ITPRID2: variants seen among roughly 807,000 people sequenced by gnomAD.
ITPRID2 encodes ITPR interacting domain containing 2, also known as protein ITPRID2.
In ITPRID2, 60 loss-of-function variants were observed where a neutral mutation model predicts 124.3. The ratio of observed to expected loss-of-function variants is 0.48; its 90% confidence interval spans 0.39 to 0.60. ITPRID2 has a LOEUF of 0.60. Among genes scored for constraint, ITPRID2 ranks in the 20% least tolerant of loss-of-function variants. The pLI, the probability that ITPRID2 is intolerant of heterozygous loss-of-function variation, is 0.00. For missense variants in ITPRID2, 1,553 were observed against 1,512.2 expected (o/e 1.03, Z -0.45); for synonymous variants, 521 against 542.9 (o/e 0.96, Z 0.56).
intron 11 of ITPRID2, chr2:181,917,558 C>G (rs965333768): frequency 1.2e-4 from 19 of 152,290 alleles, no homozygotes; most frequent in African/African-American, 4.6e-4. Flanking sequence ...CCACCTAGTT[C>G]TTCTGCTCCA....
chr2:181,910,532 C>A lies in ITPRID2; in HGVS notation c.1486+561C>A, dbSNP rs966478091. On this transcript the variant is annotated intron_variant, in intron 9 of 17. Transcript: ENST00000431877. The surrounding 1 kb of genome is among the most constrained non-coding windows in gnomAD (Gnocchi z 4.1). ...ATCCATCCCTTTCACTTTTAACTTG[C>A]AACAACAACAACAACAAAAATGTGT... 3.2e-6 allele frequency: 2 copies of A among 630,736 alleles called. No individual in the cohort carries two copies. The highest frequency in any genetic ancestry group is 5.7e-6 in the Non-Finnish European group (2 of 348,444). 39.1% of individuals were successfully genotyped at this position (630,736 alleles called of 1,614,324 possible).
intron 8 of ITPRID2, among the ~76,000 whole-genome samples, chr2:181,908,719 A>G (rs76654214): frequency 0.037 from 5,603 of 152,290 alleles, 142 homozygotes; most frequent in South Asian, 0.1. Context: ...ATTGGGTAAT[A>G]CTATCTTTAA....
intron 2 of ITPRID2, among the ~76,000 whole-genome samples, chr2:181,895,459 A>T (rs756429653): frequency 1.3e-5 from 2 of 152,068 alleles, no homozygotes; most frequent in Non-Finnish European, 2.9e-5. Flanking sequence ...TTAAAAACAA[A>T]GCGAATCTCA....
Position 181,892,747 on chromosome 2 carries a change from G to T in ITPRID2, c.257+87G>T. ...AGAGCCACTCGGGCCGCGTCCCTGT[G>T]GGTCCCGCGACCGTTGTAAGCTACA... On this transcript the variant is annotated intron_variant, in intron 2 of 17. Transcript: ENST00000431877. The surrounding 1 kb of genome is among the most constrained non-coding windows in gnomAD (Gnocchi z 5.2). The T allele has an allele frequency of 1.3e-6, 2 of 1,512,662 alleles. No individual in the cohort carries two copies. The highest frequency in any genetic ancestry group is 2.3e-5 in the East Asian group (1 of 43,942). The allele number at this position is 1,512,662 out of a possible 1,614,324, so 93.7% of individuals were successfully genotyped here.
Position 181,896,033 on chromosome 2 carries a change from A to C in ITPRID2, c.261A>C (p.Thr87=). 1 of 1,612,770 alleles carries C rather than the reference A, an allele frequency of 6.2e-7. No homozygotes were observed. The stretch of plus-strand genomic sequence containing the variant: ...TTATACGTTTATATGGTTTCAGTAC[A>C]CCTTTGGGAGCCTCACTGGATGAAC... ...KIAIWLKDCR[T]PLGASLDEQS... is the part of the protein sequence containing the mutation. Residue 87 remains threonine, a synonymous_variant, in exon 3 of 18, where the codon ACA becomes ACC. Coordinates refer to ENST00000431877, the MANE Select transcript of ITPRID2 (RefSeq NM_001130445.3). The surrounding 1 kb of genome is among the most constrained non-coding windows in gnomAD (Gnocchi z 4.3).
intron 7 of ITPRID2, 126 bp from the exon 8 acceptor site, chr2:181,901,640 A>G (rs1271071287): frequency 5.7e-6 from 4 of 697,984 alleles, no homozygotes; most frequent in East Asian, 3.2e-5. Flanking sequence ...TGAGGAAAAA[A>G]TAGGGTTTTA....
In ITPRID2 at chr2:181,902,169, G is replaced by T; in HGVS notation, c.1116G>T (p.Glu372Asp). The change falls in exon 8 of 18, where the codon GAG becomes GAT. Residue 372 changes from glutamate (E) to aspartate (D), a missense_variant. Transcript: ENST00000431877. The surrounding 1 kb of genome is among the most constrained non-coding windows in gnomAD (Gnocchi z 4.4). ...EVSGSSAAVT[E>D]NADSDRISDE... The stretch of plus-strand genomic sequence containing the variant: ...CTGGTAGTTCAGCAGCTGTTACGGA[G>T]AATGCTGATAGTGATAGAATTTCTG... 1 of 1,613,766 alleles carries T rather than the reference G, an allele frequency of 6.2e-7. No homozygotes were observed.
At position 181,907,446 on chromosome 2, in the gene ITPRID2, GTTT is replaced by G. The variant is rs10716968; in HGVS notation, c.1414-2440_1414-2438del. Reference sequence around the variant, plus strand: ...GCAATTTTATCACTTTGGTTTAGTGGTTTTTTTTTTTTTTTATATTATGAAACA... The same window carrying G: ...GCAATTTTATCACTTTGGTTTAGTGGTTTTTTTTTTTTATATTATGAAACA... On this transcript the variant is annotated intron_variant, in intron 8 of 17. Transcript: ENST00000431877. The surrounding 1 kb of genome is among the most constrained non-coding windows in gnomAD (Gnocchi z 5.1). 2.1e-5 allele frequency among the ~76,000 whole-genome samples: 3 copies of G among 144,610 alleles called. No individual in the cohort carries two copies. Among genetic ancestry groups the G allele is most frequent in the African/African-American group, 5.1e-5 (2 of 39,526 alleles). 94.9% of individuals were successfully genotyped at this position (144,610 alleles called of 152,430 possible). A position where few individuals can be genotyped will look rare whatever the true frequency, so the allele number is the denominator to read the frequency against.
intron 10 of ITPRID2, 73 bp from the exon 11 acceptor site, chr2:181,915,143 T>G: frequency 2.0e-6 from 3 of 1,486,312 alleles, no homozygotes; most frequent in Non-Finnish European, 2.7e-6. Flanking sequence ...AGAAGCACCA[T>G]GTTGGTTTGG....
intron 15 of ITPRID2, among the ~76,000 whole-genome samples, 167 bp from the exon 16 acceptor site, chr2:181,921,781 C>T (rs1188513125): frequency 6.6e-6 from 1 of 152,144 alleles, no homozygotes; most frequent in African/African-American, 2.4e-5. Flanking sequence ...TTAAATTTTA[C>T]TTACCATTTT....
intron 2 of ITPRID2, among the ~76,000 whole-genome samples, chr2:181,895,253 ATG>A (rs1692090724): frequency 6.6e-6 from 1 of 152,058 alleles, no homozygotes; most frequent in Non-Finnish European, 1.5e-5. Flanking sequence ...ATATAAAACA[ATG>A]TGTTTCTTAC....
At chr2:181,925,935 GTTC>G (rs1378784123) in intron 16 of ITPRID2, among the ~76,000 whole-genome samples, 4 of 152,132 alleles carry the variant, frequency 2.6e-5, no homozygotes, top group Non-Finnish European at 4.4e-5. Flanking sequence ...AAAATTTTTT[GTTC>G]TTATGTCATT....
At chr2:181,908,579 A>T (rs1432351020) in intron 8 of ITPRID2, among the ~76,000 whole-genome samples, 1 of 152,178 alleles carries the variant, frequency 6.6e-6, no homozygotes, top group Non-Finnish European at 1.5e-5. Flanking sequence ...AGTAGAATCT[A>T]TTTTTATATA....
Position 181,901,747 on chromosome 2 carries a change from A to C in ITPRID2, c.713-19A>C, listed in dbSNP as rs1558985136. 1.3e-6 allele frequency: 2 copies of C among 1,536,922 alleles called. No individual in the cohort carries two copies. The highest frequency in any genetic ancestry group is 1.8e-6 in the Non-Finnish European group (2 of 1,134,758). On this transcript the variant is annotated intron_variant, in intron 7 of 17. Transcript: ENST00000431877. ...ATATATAAATATAAACATATCATTA[A>C]TATTGTTTCTTTTGGTAGGCCGTTT... is the stretch of plus-strand genomic sequence containing the variant.
At chr2:181,928,629 CTTT>C (rs756208720) in intron 17 of ITPRID2, among the ~76,000 whole-genome samples, 3 of 142,332 alleles carry the variant, frequency 2.1e-5, no homozygotes, top group Non-Finnish European at 3.1e-5. Flanking sequence ...TCACAACTTC[CTTT>C]TTTTTTTTTT....
intron 11 of ITPRID2, chr2:181,918,205 G>C (rs1212907300): frequency 4.6e-6 from 3 of 658,652 alleles, no homozygotes; most frequent in Non-Finnish European, 5.7e-6. Flanking sequence ...ATGCTAAGAT[G>C]TCTGAGAAAG....
Position 181,892,998 on chromosome 2 carries a change from T to C in ITPRID2, c.257+338T>C, listed in dbSNP as rs1691890182. ...ACATCTCGAACAGGATATTTTGTTT[T>C]GCTTTAGTTTTGGCATCTGTACAAC... On this transcript the variant is annotated intron_variant, in intron 2 of 17. Transcript: ENST00000431877. This position sits in a 1 kb window ranked among gnomAD's most constrained non-coding sequence, Gnocchi z 5.2. The C allele has an allele frequency of 2.5e-6, 1 of 397,554 alleles. No individual in the cohort carries two copies. The highest frequency in any genetic ancestry group is 3.8e-5 in the Admixed American group (1 of 26,558). The allele number at this position is 397,554 out of a possible 1,614,324, so 24.6% of individuals were successfully genotyped here. A position where few individuals can be genotyped will look rare whatever the true frequency, so the allele number is the denominator to read the frequency against.
Position 181,892,336 on chromosome 2 carries a change from G to C in ITPRID2, c.211+59G>C, listed in dbSNP as rs948020253. On this transcript the variant is annotated intron_variant, in intron 1 of 17. Transcript: ENST00000431877. This position sits in a 1 kb window ranked among gnomAD's most constrained non-coding sequence, Gnocchi z 5.2. Reference sequence around the variant, plus strand: ...TGGTGGGCTGGGGAGAGTCTCGTGCGCCCTGGGCGCCTGCCACGAGTTCTG... The same window carrying C: ...TGGTGGGCTGGGGAGAGTCTCGTGCCCCCTGGGCGCCTGCCACGAGTTCTG... The C allele has an allele frequency of 1.4e-5, 21 of 1,471,260 alleles. No individual in the cohort carries two copies. Among genetic ancestry groups the C allele is most frequent in the Non-Finnish European group, 1.8e-5 (20 of 1,106,506 alleles). The allele number at this position is 1,471,260 out of a possible 1,614,324, so 91.1% of individuals were successfully genotyped here. A position where few individuals can be genotyped will look rare whatever the true frequency, so the allele number is the denominator to read the frequency against.
rs762189431 is a variant in ITPRID2 at position 181,916,222 on chromosome 2, A to T, written c.2582A>T (p.His861Leu). The T allele has an allele frequency of 1.2e-5, 20 of 1,614,076 alleles. No individual in the cohort carries two copies. Among genetic ancestry groups the T allele is most frequent in the Non-Finnish European group, 1.6e-5 (19 of 1,180,034 alleles). Residue 861 changes from histidine to leucine, a missense_variant, in exon 11 of 18, where the codon CAC (histidine) becomes CTC (leucine). Physicochemically the swap from His to Leu is moderately conservative, Grantham distance 99 (BLOSUM62 -3). Transcript: ENST00000431877. ...SEWQERPLCEHTRTLSTHSVP... is the reference protein window; with the variant it reads ...SEWQERPLCELTRTLSTHSVP... ...TGGCAAGAAAGGCCCCTGTGTGAGC[A>T]CACAAGAACTCTGAGCACTCACAGT...
Sources: gnomAD v4.1 joint callset for allele counts (sites outside exome capture counted in the v4.1 genomes callset) on GRCh38, gnomAD v4.1.1 for gene constraint, Gnocchi (gnomAD v3.1) non-coding constraint, MANE v1.5 for transcripts, NCBI Gene and HGNC (gene_info 2026-07-23, HGNC 2026-07-21) for gene names.